The following AKAP11 variants were observed in gnomAD, a reference collection of about 807,000 sequenced individuals.
AKAP11 encodes the protein A-kinase anchor protein 11.
AKAP11 carries 36 observed loss-of-function variants against 146.1 expected under a neutral mutation model. The observed-to-expected ratio is 0.25, with a 90% CI of 0.19 to 0.33. The LOEUF is 0.33. Ranked by LOEUF, AKAP11 falls within the 10% of genes least tolerant of loss-of-function variation. The pLI is 1.00. For missense variants in AKAP11, 2,201 were observed against 2,197.0 expected (o/e 1.00, Z -0.04); for synonymous variants, 780 against 786.5 (o/e 0.99, Z 0.14).
rs200810715 is a variant in AKAP11 at position 42,319,272 on chromosome 13, G to A, written c.*44G>A. 191 of 1,590,326 alleles carry A rather than the reference G, an allele frequency of 1.2e-4. No homozygotes were observed. Among genetic ancestry groups the A allele is most frequent in the Non-Finnish European group, 1.5e-4 (180 of 1,170,194 alleles). On this transcript the variant is annotated 3_prime_UTR_variant, in exon 13 of 13. Coordinates refer to ENST00000025301, the MANE Select transcript of AKAP11 (RefSeq NM_016248.4). ...ATATTTTAGTATTTGTTTGGGGAGG[G>A]GAACAAGCCAATAAAGATGTTTAGG...
intron 3 of AKAP11, among the ~76,000 whole-genome samples, chr13:42,288,693 G>C (rs1445969421): frequency 6.6e-6 from 1 of 152,156 alleles, no homozygotes; most frequent in Non-Finnish European, 1.5e-5. Flanking sequence ...TTAGGACTTA[G>C]CATTTCTTTT....
chr13:42,277,757 T>G (rs1229018372), intron 1 of AKAP11, among the ~76,000 whole-genome samples: 3 of 152,180 alleles, frequency 2.0e-5, no homozygotes, highest in Non-Finnish European at 4.4e-5. Flanking sequence ...AGTTGCTTAT[T>G]ATGAGTAAGG....
rs761910430 is a variant in AKAP11 at position 42,281,963 on chromosome 13, T to C, written c.-99-4023T>C. On this transcript the variant is annotated intron_variant, in intron 1 of 12. Transcript: ENST00000025301. ...CATATGTGTGTCAGAGTTGTGTCTG[T>C]ATATAATTTTTTCTTTCTTTTTTTT... Among the ~76,000 whole-genome samples the C allele has an allele frequency of 2.2e-4, 34 of 151,624 alleles. 1 individual carries two copies. The highest frequency in any genetic ancestry group is 3.4e-4 in the Non-Finnish European group (23 of 67,978).
At position 42,300,833 on chromosome 13, in the gene AKAP11, C is replaced by G; in HGVS notation, c.2087C>G (p.Ser696Cys). The G allele has an allele frequency of 6.2e-7, 1 of 1,614,090 alleles. No homozygotes were observed. Among genetic ancestry groups the G allele is most frequent in the Non-Finnish European group, 8.5e-7 (1 of 1,179,976 alleles). Residue 696 changes from serine to cysteine, a missense_variant, in exon 8 of 13, where the codon TCT (serine) becomes TGT (cysteine). By Grantham distance (112) the Ser-to-Cys change is moderately radical. Transcript: ENST00000025301. ...VKLYAKDLSE[S>C]VIQEAFIELS... ...TTGTATGCAAAAGATTTGTCTGAAT[C>G]TGTAATACAGGAAGCATTCATTGAG...
rs762880131 is a variant in AKAP11 at position 42,303,790 on chromosome 13, G to A, written c.5044G>A (p.Ala1682Thr). The A allele has an allele frequency of 6.2e-7, 1 of 1,612,252 alleles. No individual in the cohort carries two copies. The highest frequency in any genetic ancestry group is 8.5e-7 in the Non-Finnish European group (1 of 1,179,114). Reference sequence around the variant, plus strand: ...CGACAGTGGGATCGGACAGGAGGGTGCCAGCTTTGCTGAAAGCCTTGCCAC... The same window carrying A: ...CGACAGTGGGATCGGACAGGAGGGTACCAGCTTTGCTGAAAGCCTTGCCAC... ...AADSGIGQEG[A>T]SFAESLATET... Residue 1682 changes from alanine (A) to threonine (T), a missense_variant, in exon 8 of 13, where the codon GCC becomes ACC. Ala to Thr is a moderately conservative substitution (Grantham distance 58). Around this residue, in one of 3 missense-constraint regions of AKAP11, gnomAD observed 1,867 missense variants for 1,833.5 expected, o/e 1.02. Transcript: ENST00000025301.
At chr13:42,274,356 T>A (rs1444151617) in intron 1 of AKAP11, among the ~76,000 whole-genome samples, 1 of 152,160 alleles carries the variant, frequency 6.6e-6, no homozygotes, top group Admixed American at 6.5e-5. Context: ...GTCTCGATTC[T>A]CCCAGTCATC....
In AKAP11 at chr13:42,303,614, T is replaced by G. The variant is rs61753632; in HGVS notation, c.4868T>G (p.Phe1623Cys). The change falls in exon 8 of 13, where the codon TTT (phenylalanine) becomes TGT (cysteine). Residue 1623 changes from phenylalanine to cysteine, a missense_variant. Physicochemically the swap from Phe to Cys is radical, Grantham distance 205 (BLOSUM62 -2). Coordinates refer to ENST00000025301, the MANE Select transcript of AKAP11 (RefSeq NM_016248.4). The part of the protein sequence containing the change: ...ASSKPASNPK[F>C]SSRYQKSRIF... ...AGTAAGCCAGCTTCTAATCCAAAAT[T>G]TAGCAGCCGCTATCAGAAATCTAGG... The G allele has an allele frequency of 3.2e-4, 515 of 1,614,188 alleles. 3 individuals carry two copies. Among genetic ancestry groups the G allele is most frequent in the Non-Finnish European group, 6.0e-5 (71 of 1,180,022 alleles).
intron 1 of AKAP11, among the ~76,000 whole-genome samples, chr13:42,282,112 G>A (rs1476863969): frequency 1.3e-5 from 2 of 151,748 alleles, no homozygotes; most frequent in Admixed American, 6.6e-5. Context: ...GGGATTACAG[G>A]CATATACCAC....
chr13:42,303,338 G>T lies in AKAP11; in HGVS notation c.4592G>T (p.Gly1531Val). Reference sequence around the variant, plus strand: ...AGCACTGGCAGTTTAAATGGATATGGTTGTGGAGACAATGTTGTTCAAGCT... The same window carrying T: ...AGCACTGGCAGTTTAAATGGATATGTTTGTGGAGACAATGTTGTTCAAGCT... ...YHSTGSLNGYGCGDNVVQAVE... is the reference protein window; with the variant it reads ...YHSTGSLNGYVCGDNVVQAVE... Residue 1531 changes from glycine (G) to valine (V), a missense_variant, in exon 8 of 13, where the codon GGT becomes GTT. Physicochemically the swap from Gly to Val is moderately radical, Grantham distance 109. Coordinates refer to ENST00000025301, the MANE Select transcript of AKAP11 (RefSeq NM_016248.4). 1 of 1,612,604 alleles carries T rather than the reference G, an allele frequency of 6.2e-7. No homozygotes were observed. Among genetic ancestry groups the T allele is most frequent in the Non-Finnish European group, 8.5e-7 (1 of 1,180,040 alleles).
intron 1 of AKAP11, among the ~76,000 whole-genome samples, chr13:42,274,231 C>G (rs1265455098): frequency 6.6e-6 from 1 of 151,676 alleles, no homozygotes; most frequent in Non-Finnish European, 1.5e-5. Flanking sequence ...GAGGACAGGT[C>G]GAGAAAAGCT....
Position 42,300,993 on chromosome 13 carries a change from A to G in AKAP11, c.2247A>G (p.Gln749=). ...CGTTTTCCCCTTCTTTTCACAATCA[A>G]GCAATTATGGTGACAAAACCAGTGC... ...AVTFSPSFHN[Q]AIMVTKPVQE... Residue 749 remains glutamine, a synonymous_variant, in exon 8 of 13, where the codon CAA becomes CAG. Transcript: ENST00000025301. 6.2e-7 allele frequency: 1 copy of G among 1,614,150 alleles called. No homozygotes were observed. The highest frequency in any genetic ancestry group is 8.5e-7 in the Non-Finnish European group (1 of 1,179,988).
chr13:42,320,513 C>T lies in AKAP11; in HGVS notation c.*1285C>T, dbSNP rs897727764. 1 of 147,098 alleles carries T rather than the reference C, an allele frequency of 6.8e-6. No individual in the cohort carries two copies. The highest frequency in any genetic ancestry group is 2.3e-4 in the South Asian group (1 of 4,340). 9.1% of individuals were successfully genotyped at this position (147,098 alleles called of 1,614,324 possible). ...CTCTCCCCTCCTCCCACTCTCTTCCCCCTCCCCCCTCCTCCCACTGTCTCT... is the reference window on the plus strand; with the variant it reads ...CTCTCCCCTCCTCCCACTCTCTTCCTCCTCCCCCCTCCTCCCACTGTCTCT... On this transcript the variant is annotated 3_prime_UTR_variant, in exon 13 of 13. Transcript: ENST00000025301.
In AKAP11 at chr13:42,322,365, G is replaced by A. The variant is rs1280142031; in HGVS notation, c.*3137G>A. 1.3e-5 allele frequency: 2 copies of A among 152,288 alleles called. No homozygotes were observed. Among genetic ancestry groups the A allele is most frequent in the Non-Finnish European group, 2.9e-5 (2 of 67,994 alleles). 9.4% of individuals were successfully genotyped at this position (152,288 alleles called of 1,614,324 possible). ...CTTTGATATTAGATGGCTGACATTA[G>A]TGCACATAATGCAGAGTTTAACCTT... On this transcript the variant is annotated 3_prime_UTR_variant, in exon 13 of 13. Coordinates refer to ENST00000025301, the MANE Select transcript of AKAP11 (RefSeq NM_016248.4).
Position 42,319,906 on chromosome 13 carries a change from G to GGTAT in AKAP11, c.*680_*681insATGT, listed in dbSNP as rs1555295200. On this transcript the variant is annotated 3_prime_UTR_variant, in exon 13 of 13. Transcript: ENST00000025301. The stretch of plus-strand genomic sequence containing the variant: ...TGCTGCCAGTCATTCTGGCATGAAA[G>GGTAT]GTGTGTGTGTGTGTGTGTGTGTGTG... 5 of 132,662 alleles carry GGTAT rather than the reference G, an allele frequency of 3.8e-5. No homozygotes were observed. Among genetic ancestry groups the GGTAT allele is most frequent in the African/African-American group, 1.1e-4 (4 of 36,464 alleles). 8.2% of individuals were successfully genotyped at this position (132,662 alleles called of 1,614,324 possible). A position where few individuals can be genotyped will look rare whatever the true frequency, so the allele number is the denominator to read the frequency against.
intron 5 of AKAP11, 118 bp from the exon 6 acceptor site, chr13:42,296,930 T>A (rs993682921): frequency 1.3e-6 from 1 of 762,118 alleles, no homozygotes; most frequent in Non-Finnish European, 2.0e-6. Flanking sequence ...TTAACTATTA[T>A]GAACCAGGAA....
Position 42,308,540 on chromosome 13 carries a change from G to C in AKAP11, c.5204G>C (p.Ser1735Thr). Residue 1735 changes from serine to threonine, a missense_variant, in exon 9 of 13, where the codon AGC becomes ACC. Physicochemically the swap from Ser to Thr is moderately conservative, Grantham distance 58. This residue lies in a region of AKAP11 where 1,867 missense variants were observed against 1,833.5 expected (regional missense o/e 1.02). Transcript: ENST00000025301. ...NLSIGDDSTG[S>T]WSNLSFEDEH... ...AGTATTGGTGATGACAGCACTGGTAGCTGGTCCAATTTAAGTTTTGAAGAT... is the reference window on the plus strand; with the variant it reads ...AGTATTGGTGATGACAGCACTGGTACCTGGTCCAATTTAAGTTTTGAAGAT... The C allele has an allele frequency of 6.2e-7, 1 of 1,613,532 alleles. No individual in the cohort carries two copies. The highest frequency in any genetic ancestry group is 8.5e-7 in the Non-Finnish European group (1 of 1,179,638).
At position 42,299,452 on chromosome 13, in the gene AKAP11, C is replaced by G. The variant is rs1959717863; in HGVS notation, c.706C>G (p.Leu236Val). 6.2e-7 allele frequency: 1 copy of G among 1,613,840 alleles called. No homozygotes were observed. The highest frequency in any genetic ancestry group is 8.5e-7 in the Non-Finnish European group (1 of 1,179,814). The part of the protein sequence containing the change: ...HHLETHDLKI[L>V]ISSGQQKSLA... ...TTTAGAAACCCATGATTTAAAGATT[C>G]TCATTAGCTCTGGACAGCAGAAGTC... Residue 236 changes from leucine (L) to valine (V), a missense_variant, in exon 8 of 13, where the codon CTC becomes GTC. Leu to Val is a conservative substitution (Grantham distance 32, BLOSUM62 1). Transcript: ENST00000025301.
chr13:42,282,300 A>G (rs1341710789), intron 1 of AKAP11, among the ~76,000 whole-genome samples: 1 of 145,008 alleles, frequency 6.9e-6, no homozygotes, highest in Non-Finnish European at 1.5e-5. Flanking sequence ...AAGTGAGAGC[A>G]TCCTATTAAC....
chr13:42,284,900 T>C (rs1959135725), intron 1 of AKAP11, among the ~76,000 whole-genome samples: 1 of 152,186 alleles, frequency 6.6e-6, no homozygotes, highest in Non-Finnish European at 1.5e-5. Context: ...TTTCAGTAAT[T>C]AATCAGATTT....
Sources: allele counts gnomAD v4.1 joint callset (sites outside exome capture counted in the v4.1 genomes callset), GRCh38; gene constraint gnomAD v4.1.1; regional missense constraint gnomAD v4.1.1; transcripts MANE v1.5; gene names NCBI Gene and HGNC (gene_info 2026-07-23, HGNC 2026-07-21).